CHRM3: variants seen among roughly 807,000 people sequenced by gnomAD.
CHRM3 encodes muscarinic acetylcholine receptor M3.
Under a neutral mutation model 41.8 loss-of-function variants are expected in CHRM3, and 11 were observed. That is an observed-to-expected ratio of 0.26 (90% CI 0.17 to 0.44). The LOEUF (loss-of-function observed/expected upper bound fraction) is 0.44. Among genes scored for constraint, CHRM3 ranks in the 20% least tolerant of loss-of-function variants. The probability of loss-of-function intolerance (pLI) is 1.00; values close to 1 mark genes in which losing one functional copy is unlikely to be tolerated. For missense variants in CHRM3, 571 were observed against 745.4 expected (o/e 0.77, Z 2.72); for synonymous variants, 297 against 301.4 (o/e 0.99, Z 0.15).
In CHRM3 at chr1:239,387,709, T is replaced by C. The variant is rs562654475; in HGVS notation, c.-521+482T>C. 6.6e-6 allele frequency among the ~76,000 whole-genome samples: 1 copy of C among 152,310 alleles called. No homozygotes were observed. The highest frequency in any genetic ancestry group is 1.9e-4 in the East Asian group (1 of 5,174). On this transcript the variant is annotated intron_variant, in intron 1 of 6. Transcript: ENST00000676153. This position sits in a 1 kb window ranked among gnomAD's most constrained non-coding sequence, Gnocchi z 5.1. ...TCTCCCATCTCCCCATTTGGTTTCCTGTCATTTCTAAGAAGGCTAAAGCTG... is the reference window on the plus strand; with the variant it reads ...TCTCCCATCTCCCCATTTGGTTTCCCGTCATTTCTAAGAAGGCTAAAGCTG...
At chr1:239,706,528 GCCCCCTCTTACT>G (rs1246166497) in intron 5 of CHRM3, 3 of 151,760 alleles carry the variant, frequency 2.0e-5, no homozygotes, top group Non-Finnish European at 4.4e-5. Context: ...TCTCGGCACT[GCCCCCTCTTACT>G]CCCCCACACA....
chr1:239,567,446 G>T (rs1034208434), intron 3 of CHRM3, among the ~76,000 whole-genome samples: 2 of 152,156 alleles, frequency 1.3e-5, no homozygotes, highest in African/African-American at 4.8e-5. Flanking sequence ...TTACTTCCCA[G>T]AATGATAGAT....
rs973866109 is a variant in CHRM3 at position 239,545,962 on chromosome 1, A to C, written c.-313+213A>C. On this transcript the variant is annotated intron_variant, in intron 3 of 6. Transcript: ENST00000676153. ...TTAGGTATAAGTATATAAATGTGGT[A>C]ATTATGTATACCTATATAGGCAGAA... 5 of 152,126 alleles carry C rather than the reference A, an allele frequency of 3.3e-5. No individual in the cohort carries two copies. In the East Asian group the frequency reaches 9.6e-4, roughly 29 times the overall value. The allele number at this position is 152,126 out of a possible 1,614,324, so 9.4% of individuals were successfully genotyped here. A position where few individuals can be genotyped will look rare whatever the true frequency, so the allele number is the denominator to read the frequency against.
chr1:239,633,458 A>T (rs1189380907), intron 4 of CHRM3, among the ~76,000 whole-genome samples: 1 of 152,098 alleles, frequency 6.6e-6, no homozygotes, highest in Non-Finnish European at 1.5e-5. Flanking sequence ...GTTCGAGATG[A>T]TATTTGGGTG....
intron 5 of CHRM3, among the ~76,000 whole-genome samples, chr1:239,773,447 G>A (rs1428682313): frequency 6.6e-6 from 1 of 152,104 alleles, no homozygotes; most frequent in Admixed American, 6.6e-5. Context: ...CTTAACCCTG[G>A]CATTAAGAGA....
chr1:239,609,641 C>A (rs1158409136), intron 3 of CHRM3, among the ~76,000 whole-genome samples: 2 of 152,190 alleles, frequency 1.3e-5, no homozygotes, highest in East Asian at 3.9e-4. Context: ...GCCCCTACAT[C>A]TTTGCTAATA....
At chr1:239,511,212 C>T (rs778596664) in intron 2 of CHRM3, among the ~76,000 whole-genome samples, 3 of 152,154 alleles carry the variant, frequency 2.0e-5, no homozygotes, top group Admixed American at 6.5e-5. Context: ...ACTGTGAAGA[C>T]CAGCTAGAGC....
At chr1:239,597,613 T>C (rs1428380826) in intron 3 of CHRM3, among the ~76,000 whole-genome samples, 1 of 152,146 alleles carries the variant, frequency 6.6e-6, no homozygotes, top group Non-Finnish European at 1.5e-5. Flanking sequence ...TTGTGTTTAC[T>C]CTTTCAACTT....
chr1:239,509,679 A>G (rs911538850), intron 2 of CHRM3, among the ~76,000 whole-genome samples: 1 of 152,230 alleles, frequency 6.6e-6, no homozygotes, highest in Non-Finnish European at 1.5e-5. Context: ...ATAATAGTAA[A>G]TGTTTTTCAA....
At chr1:239,396,759 T>C (rs1659519341) in intron 1 of CHRM3, among the ~76,000 whole-genome samples, 1 of 152,158 alleles carries the variant, frequency 6.6e-6, no homozygotes, top group Non-Finnish European at 1.5e-5. Flanking sequence ...TGGTTAACAG[T>C]TTGATGTCAC....
intron 5 of CHRM3, among the ~76,000 whole-genome samples, chr1:239,741,597 A>G (rs1283231544): frequency 1.3e-5 from 2 of 152,176 alleles, no homozygotes; most frequent in Non-Finnish European, 2.9e-5. Context: ...TACTTTTCAT[A>G]AGGCATGTGA....
intron 3 of CHRM3, among the ~76,000 whole-genome samples, chr1:239,574,421 T>C (rs1024522593): frequency 6.6e-6 from 1 of 152,044 alleles, no homozygotes; most frequent in Non-Finnish European, 1.5e-5. Context: ...TGGGGCCCTT[T>C]GTCCAGCGCT....
intron 5 of CHRM3, among the ~76,000 whole-genome samples, chr1:239,699,641 T>G (rs2148075254): frequency 6.6e-6 from 1 of 152,318 alleles, no homozygotes; most frequent in South Asian, 2.1e-4. Flanking sequence ...TATTTCTGAT[T>G]GTTCATAACA....
intron 1 of CHRM3, among the ~76,000 whole-genome samples, chr1:239,414,624 C>G (rs1661356856): frequency 6.6e-6 from 1 of 152,152 alleles, no homozygotes; most frequent in South Asian, 2.1e-4. Context: ...GGCAGCATGC[C>G]AGATTTCATA....
chr1:239,542,033 G>A (rs928305882), intron 2 of CHRM3, among the ~76,000 whole-genome samples: 3 of 152,048 alleles, frequency 2.0e-5, no homozygotes, highest in Non-Finnish European at 2.9e-5. Context: ...AGAGTAGGCC[G>A]GTAGATAGGC....
At chr1:239,619,149 G>A (rs1433741189) in intron 3 of CHRM3, among the ~76,000 whole-genome samples, 1 of 151,728 alleles carries the variant, frequency 6.6e-6, no homozygotes, top group African/African-American at 2.4e-5. Context: ...TCCTGACCTC[G>A]GGTGATCCAC....
intron 6 of CHRM3, among the ~76,000 whole-genome samples, chr1:239,830,220 T>C (rs542822035): frequency 1.3e-5 from 2 of 152,352 alleles, no homozygotes; most frequent in East Asian, 3.9e-4. Context: ...GATTAAAATA[T>C]GTACTTCTTG....
At chr1:239,523,418 T>G (rs2148280428) in intron 2 of CHRM3, among the ~76,000 whole-genome samples, 1 of 152,222 alleles carries the variant, frequency 6.6e-6, no homozygotes, top group East Asian at 1.9e-4. Flanking sequence ...AATAGGAAAA[T>G]AATTTCTCAG....
intron 1 of CHRM3, among the ~76,000 whole-genome samples, chr1:239,455,106 C>T (rs1664828847): frequency 6.6e-6 from 1 of 152,088 alleles, no homozygotes; most frequent in African/African-American, 2.4e-5. Context: ...AGACGGAGCA[C>T]AATGGCGTGA....
Sources: gnomAD v4.1 joint callset for allele counts (sites outside exome capture counted in the v4.1 genomes callset) on GRCh38, gnomAD v4.1.1 for gene constraint, Gnocchi (gnomAD v3.1) non-coding constraint, MANE v1.5 for transcripts, NCBI Gene and HGNC (gene_info 2026-07-23, HGNC 2026-07-21) for gene names.